The following CCDC149 variants were observed in gnomAD, a reference collection of about 807,000 sequenced individuals.
CCDC149 encodes the protein coiled-coil domain containing 149, also known as coiled-coil domain-containing protein 149.
CCDC149 carries 45 observed loss-of-function variants against 59.9 expected under a neutral mutation model. The ratio of observed to expected loss-of-function variants is 0.75; its 90% CI spans 0.59 to 0.96. The LOEUF (loss-of-function observed/expected upper bound fraction) is 0.96, where lower values mean the gene tolerates loss of function less well. CCDC149 is among the 40% of genes least tolerant of loss of function. The pLI, the probability that CCDC149 is intolerant of heterozygous loss-of-function variation, is 0.00. For missense variants in CCDC149, 584 were observed against 664.7 expected (o/e 0.88, Z 1.33); for synonymous variants, 245 against 260.6 (o/e 0.94, Z 0.58).
intron 1 of CCDC149, among the ~76,000 whole-genome samples, chr4:24,967,446 C>A (rs1723833461): frequency 6.6e-6 from 1 of 152,122 alleles, no homozygotes; most frequent in South Asian, 2.1e-4. Context: ...CCTTCGCATG[C>A]AGCTGTACCA....
rs529804610 is a variant in CCDC149, at chr4:24,822,342, C to T, written c.1042+155G>A. 5.3e-5 allele frequency among the ~76,000 whole-genome samples: 8 copies of T among 151,056 alleles called. No homozygotes were observed. The South Asian group carries it at 1.0e-3, about 20-fold the overall frequency. On this transcript the variant is annotated intron_variant, in intron 10 of 12. Transcript: ENST00000635206. ...TGCCATGTAGTTTCTAAATTTAGAACACTTGTAGATTTTTTCAGCAATGAT... is the reference window on the plus strand; with the variant it reads ...TGCCATGTAGTTTCTAAATTTAGAATACTTGTAGATTTTTTCAGCAATGAT...
intron 9 of CCDC149, chr4:24,828,434 G>A (rs999080403): frequency 5.9e-5 from 9 of 152,070 alleles, no homozygotes; most frequent in African/African-American, 1.9e-4. Flanking sequence ...TAAGGTAGCT[G>A]GGAGTAGTTT....
chr4:24,908,531 CAAA>C (rs5856870), intron 1 of CCDC149, among the ~76,000 whole-genome samples: 2,847 of 115,312 alleles, frequency 0.025, 46 homozygotes, highest in Non-Finnish European at 0.031. Context: ...TCTATCTCTA[CAAA>C]AAAAAAAAAA....
chr4:24,904,103 A>G (rs909510524), intron 1 of CCDC149, among the ~76,000 whole-genome samples: 1 of 152,168 alleles, frequency 6.6e-6, no homozygotes, highest in Non-Finnish European at 1.5e-5. Context: ...CCTAGCCTTA[A>G]TTTTTACTTT....
At chr4:24,857,588 A>G in intron 3 of CCDC149, among the ~76,000 whole-genome samples, 1 of 152,198 alleles carries the variant, frequency 6.6e-6, no homozygotes, top group East Asian at 1.9e-4. Context: ...TATAAAAATC[A>G]GTCAATAATT....
intron 1 of CCDC149, among the ~76,000 whole-genome samples, chr4:24,958,760 G>A (rs920822115): frequency 1.3e-5 from 2 of 152,084 alleles, no homozygotes; most frequent in African/African-American, 2.4e-5. Context: ...AGCCAGGTGC[G>A]GTGGCTCTAA....
chr4:24,824,337 G>A (rs1715588795), intron 9 of CCDC149, among the ~76,000 whole-genome samples: 1 of 152,112 alleles, frequency 6.6e-6, no homozygotes, highest in Non-Finnish European at 1.5e-5. Context: ...AGGGCTGGAG[G>A]TAGTAAAATG....
At chr4:24,933,761 A>G (rs1289566830) in intron 1 of CCDC149, among the ~76,000 whole-genome samples, 1 of 152,210 alleles carries the variant, frequency 6.6e-6, no homozygotes, top group Non-Finnish European at 1.5e-5. Context: ...GTTAGAGAAT[A>G]TTTCAGTTAT....
downstream of CCDC149, among the ~76,000 whole-genome samples, chr4:24,804,440 G>A (rs565741469): frequency 4.9e-5 from 7 of 143,540 alleles, no homozygotes; most frequent in South Asian, 8.7e-4. Flanking sequence ...GCAGTGAGCC[G>A]AGATCATGCC....
At chr4:24,951,265 A>G (rs942168699) in intron 1 of CCDC149, among the ~76,000 whole-genome samples, 1 of 152,226 alleles carries the variant, frequency 6.6e-6, no homozygotes, top group Non-Finnish European at 1.5e-5. Flanking sequence ...GAATGTTTCC[A>G]TTCAGAATCA....
In CCDC149 at chr4:24,808,457, C is replaced by CTT; in HGVS notation, c.1553_1554dup (p.Ala519LysfsTer17). 1 of 1,467,208 alleles carries CTT rather than the reference C, an allele frequency of 6.8e-7. No individual in the cohort carries two copies. 90.9% of individuals were successfully genotyped at this position (1,467,208 alleles called of 1,614,324 possible). On this transcript the variant is annotated frameshift_variant, in exon 13 of 13. Transcript: ENST00000635206. LOFTEE classifies it low-confidence loss of function (END_TRUNC). ...CCTTTGCCGTCTTCCGGTGTGGAAG[C>CTT]TTTGGCTGCTGGCCGGCTGGCCTCG...
intron 1 of CCDC149, among the ~76,000 whole-genome samples, chr4:24,903,442 G>A (rs770149293): frequency 7.9e-5 from 12 of 152,178 alleles, no homozygotes; most frequent in Non-Finnish European, 1.3e-4. Context: ...AGGACTTGGC[G>A]CTGAAATTTG....
Position 24,806,458 on chromosome 4 carries a change from T to C in CCDC149, c.*1931A>G, listed in dbSNP as rs768081762. On this transcript the variant is annotated 3_prime_UTR_variant, in exon 13 of 13. Coordinates refer to ENST00000635206, the MANE Select transcript of CCDC149 (RefSeq NM_001330643.2). ...GCTCAACAGGCCCTGAAGATGTGCA[T>C]CTGGCCGATGGTGGGTCAAAACCAG... 6.6e-6 allele frequency: 1 copy of C among 152,232 alleles called. No individual in the cohort carries two copies. The highest frequency in any genetic ancestry group is 1.5e-5 in the Non-Finnish European group (1 of 68,044). 9.4% of individuals were successfully genotyped at this position (152,232 alleles called of 1,614,324 possible). A position where few individuals can be genotyped will look rare whatever the true frequency, so the allele number is the denominator to read the frequency against.
At chr4:24,974,981 G>A (rs1577516635) in intron 1 of CCDC149, among the ~76,000 whole-genome samples, 1 of 152,126 alleles carries the variant, frequency 6.6e-6, no homozygotes, top group East Asian at 1.9e-4. Flanking sequence ...GGAAGAGGTG[G>A]TGCCTGTAAG....
chr4:24,918,334 A>G (rs1722191384), intron 1 of CCDC149, among the ~76,000 whole-genome samples: 1 of 152,242 alleles, frequency 6.6e-6, no homozygotes, highest in South Asian at 2.1e-4. Flanking sequence ...GGCATTTCAT[A>G]TAAATGGCCA....
At chr4:24,902,181 G>T (rs972919760) in intron 1 of CCDC149, among the ~76,000 whole-genome samples, 1 of 152,190 alleles carries the variant, frequency 6.6e-6, no homozygotes, top group Admixed American at 6.5e-5. Flanking sequence ...GGCAGAAAAG[G>T]CTAGATTACT....
intron 1 of CCDC149, among the ~76,000 whole-genome samples, chr4:24,964,230 A>T (rs932629640): frequency 2.0e-5 from 3 of 151,404 alleles, no homozygotes; most frequent in Non-Finnish European, 2.9e-5. Flanking sequence ...TGGAAATTAC[A>T]GAATTAAAAA....
At chr4:24,912,500 G>A (rs933136357) in intron 1 of CCDC149, among the ~76,000 whole-genome samples, 1 of 152,128 alleles carries the variant, frequency 6.6e-6, no homozygotes, top group South Asian at 2.1e-4. Context: ...GAGCGGGCAG[G>A]CAGGTGGGGC....
chr4:24,810,797 T>C (rs147249109), intron 12 of CCDC149, among the ~76,000 whole-genome samples: 185 of 152,344 alleles, frequency 1.2e-3, no homozygotes, highest in African/African-American at 4.3e-3. Flanking sequence ...AATGTAGTTT[T>C]TCCTCTATCA....
Sources: allele counts gnomAD v4.1 joint callset (sites outside exome capture counted in the v4.1 genomes callset), GRCh38; gene constraint gnomAD v4.1.1; transcripts MANE v1.5; gene names NCBI Gene and HGNC (gene_info 2026-07-23, HGNC 2026-07-21).